The following ARHGAP22 variants were observed in gnomAD, a reference collection of about 807,000 sequenced individuals.
ARHGAP22 encodes Rho GTPase activating protein 22.
A neutral mutation model predicts 59.1 loss-of-function variants in ARHGAP22; 48 were observed. That is an observed-to-expected ratio of 0.81 (90% CI 0.64 to 1.03). The LOEUF is 1.03. ARHGAP22 is among the 50% of genes least tolerant of loss of function. The probability of loss-of-function intolerance (pLI) is 0.00; values close to 1 mark genes in which losing one functional copy is unlikely to be tolerated. For synonymous variants in ARHGAP22, 445 were observed against 416.4 expected, an observed-to-expected ratio of 1.07 and a Z score of -0.84; for missense variants, 1,015 against 958.7, an observed-to-expected ratio of 1.06 and a Z score of -0.78.
At position 48,450,328 on chromosome 10, in the gene ARHGAP22, C is replaced by T. The variant is rs1376253915; in HGVS notation, c.1801G>A (p.Gly601Arg). ...TCGGCCCTGAGCTCAGTGACCAGCC[C>T]CTGTAAGGCCTCGGAGCGGCGCGCG... ...EHARRSEALQ[G>R]LVTELRAELC... The change falls in exon 9 of 10, where the codon GGG (glycine) becomes AGG (arginine). Residue 601 changes from glycine (G) to arginine (R), a missense_variant. By Grantham distance (125) the Gly-to-Arg change is moderately radical. Coordinates refer to ENST00000249601, the MANE Select transcript of ARHGAP22 (RefSeq NM_021226.4). The T allele has an allele frequency of 1.9e-6, 3 of 1,603,350 alleles. No homozygotes were observed. The highest frequency in any genetic ancestry group is 2.6e-6 in the Non-Finnish European group (3 of 1,175,616).
chr10:48,639,872 C>G (rs2061972898), intron 1 of ARHGAP22, among the ~76,000 whole-genome samples: 1 of 152,084 alleles, frequency 6.6e-6, no homozygotes, highest in Non-Finnish European at 1.5e-5. Context: ...TTGAAACTGT[C>G]TCTTTGAGTA....
At chr10:48,643,910 G>A (rs2062176907) in intron 1 of ARHGAP22, among the ~76,000 whole-genome samples, 1 of 152,244 alleles carries the variant, frequency 6.6e-6, no homozygotes, top group East Asian at 1.9e-4. Context: ...CACTTGGGGA[G>A]GCCAAGGCAG....
intron 1 of ARHGAP22, among the ~76,000 whole-genome samples, chr10:48,601,743 T>C (rs2060395370): frequency 6.6e-6 from 1 of 152,240 alleles, no homozygotes; most frequent in African/African-American, 2.4e-5. Flanking sequence ...TGAATCACTT[T>C]TGTTTTCTGT....
chr10:48,477,114 C>G (rs2048828303), intron 4 of ARHGAP22, among the ~76,000 whole-genome samples: 1 of 152,144 alleles, frequency 6.6e-6, no homozygotes, highest in Admixed American at 6.5e-5. Context: ...TATGTATGCC[C>G]CTCTCCCATC....
chr10:48,572,472 C>T (rs2058457930), intron 2 of ARHGAP22, among the ~76,000 whole-genome samples: 1 of 152,230 alleles, frequency 6.6e-6, no homozygotes, highest in Admixed American at 6.5e-5. Flanking sequence ...AGAGGCTGCA[C>T]ACAGAGGGCC....
chr10:48,586,394 G>T (rs1329023455), intron 1 of ARHGAP22, among the ~76,000 whole-genome samples: 1 of 152,188 alleles, frequency 6.6e-6, no homozygotes, highest in Non-Finnish European at 1.5e-5. Flanking sequence ...ACTGCAGAGT[G>T]CTTAGACGTA....
At chr10:48,587,996 A>G (rs1179972265) in intron 1 of ARHGAP22, among the ~76,000 whole-genome samples, 1 of 152,246 alleles carries the variant, frequency 6.6e-6, no homozygotes, top group East Asian at 1.9e-4. Context: ...GCATAGGACC[A>G]TGGATGCTGA....
At chr10:48,651,654 C>T (rs1479846903) in intron 1 of ARHGAP22, among the ~76,000 whole-genome samples, 1 of 152,078 alleles carries the variant, frequency 6.6e-6, no homozygotes, top group Non-Finnish European at 1.5e-5. Flanking sequence ...CTCACCTGCA[C>T]AGCCCACCCA....
At chr10:48,605,266 G>T, upstream of ARHGAP22, 1 of 643,964 alleles carries the variant, frequency 1.6e-6, no homozygotes, top group Non-Finnish European at 1.9e-6. Context: ...TTCAGCCGCC[G>T]CCTGGGAGCC....
intron 3 of ARHGAP22, among the ~76,000 whole-genome samples, chr10:48,491,717 A>G (rs2050410206): frequency 6.6e-6 from 1 of 152,264 alleles, no homozygotes; most frequent in Non-Finnish European, 1.5e-5. Context: ...TGACACTCAC[A>G]GACTGATGAG....
Position 48,583,078 on chromosome 10 carries a change from G to T in ARHGAP22, c.109C>A (p.Pro37Thr). 6.2e-7 allele frequency: 1 copy of T among 1,614,238 alleles called. No homozygotes were observed. The highest frequency in any genetic ancestry group is 8.5e-7 in the Non-Finnish European group (1 of 1,180,054). The change falls in exon 2 of 10, where the codon CCC becomes ACC. Residue 37 changes from proline (P) to threonine (T), a missense_variant. By Grantham distance (38) the Pro-to-Thr change is conservative. Coordinates refer to ENST00000249601, the MANE Select transcript of ARHGAP22 (RefSeq NM_021226.4). ...GRMPCPHRLG[P>T]VLKAGWLKKQ... is the part of the protein sequence containing the mutation. ...TTCAGCCAGCCCGCCTTCAGCACGGGGCCCAGCCTGTGAGGGCACGGCATC... is the reference window on the plus strand; with the variant it reads ...TTCAGCCAGCCCGCCTTCAGCACGGTGCCCAGCCTGTGAGGGCACGGCATC...
At chr10:48,618,749 G>C (rs1007582095) in intron 1 of ARHGAP22, among the ~76,000 whole-genome samples, 1 of 152,080 alleles carries the variant, frequency 6.6e-6, no homozygotes, top group East Asian at 1.9e-4. Context: ...ATATTGAATA[G>C]GGAAAAGTTG....
chr10:48,499,156 C>T (rs887991512), intron 3 of ARHGAP22, among the ~76,000 whole-genome samples: 1 of 152,236 alleles, frequency 6.6e-6, no homozygotes. Context: ...ATCACCAGCC[C>T]GGGGGGCTGC....
At chr10:48,558,925 T>A (rs1463000940) in intron 2 of ARHGAP22, among the ~76,000 whole-genome samples, 1 of 152,204 alleles carries the variant, frequency 6.6e-6, no homozygotes, top group African/African-American at 2.4e-5. Flanking sequence ...ACAATAATAG[T>A]ATCTGCTTCA....
At chr10:48,444,535 T>C (rs894329062), downstream of ARHGAP22, 3 of 152,260 alleles carry the variant, frequency 2.0e-5, no homozygotes, top group African/African-American at 7.2e-5. Flanking sequence ...CTCCTATCCC[T>C]ACTGGGGACT....
chr10:48,596,436 G>A (rs570790815), intron 1 of ARHGAP22, among the ~76,000 whole-genome samples: 81 of 152,302 alleles, frequency 5.3e-4, no homozygotes, highest in South Asian at 2.5e-3. Flanking sequence ...GGCTTGGGGT[G>A]GGGCTGGCTG....
At chr10:48,633,807 G>T (rs2061711334) in intron 1 of ARHGAP22, among the ~76,000 whole-genome samples, 1 of 152,194 alleles carries the variant, frequency 6.6e-6, no homozygotes, top group Non-Finnish European at 1.5e-5. Context: ...ATAGAGACAG[G>T]ATCATTCCAC....
chr10:48,583,123 G>T lies in ARHGAP22; in HGVS notation c.64C>A (p.Gln22Lys). 6.2e-7 allele frequency: 1 copy of T among 1,614,208 alleles called. No homozygotes were observed. Among genetic ancestry groups the T allele is most frequent in the Non-Finnish European group, 8.5e-7 (1 of 1,180,040 alleles). The change falls in exon 2 of 10, where the codon CAG becomes AAG. Residue 22 changes from glutamine to lysine, a missense_variant. Gln to Lys is a moderately conservative substitution (Grantham distance 53). Coordinates refer to ENST00000249601, the MANE Select transcript of ARHGAP22 (RefSeq NM_021226.4). ...ARSKSLVMGE[Q>K]SRSPGRMPCP... ...GGCATCCGCCCAGGGCTCCGGCTCTGCTCCCCCATCACTAGGCTTTTGGAG... is the reference window on the plus strand; with the variant it reads ...GGCATCCGCCCAGGGCTCCGGCTCTTCTCCCCCATCACTAGGCTTTTGGAG...
intron 3 of ARHGAP22, among the ~76,000 whole-genome samples, chr10:48,519,537 C>A (rs1589898734): frequency 6.6e-6 from 1 of 152,194 alleles, no homozygotes; most frequent in African/African-American, 2.4e-5. Context: ...CCTGTCTCTG[C>A]CCACACTCTG....
Sources: gnomAD v4.1 joint callset for allele counts (sites outside exome capture counted in the v4.1 genomes callset) on GRCh38, gnomAD v4.1.1 for gene constraint, MANE v1.5 for transcripts, NCBI Gene and HGNC (gene_info 2026-07-23, HGNC 2026-07-21) for gene names.